GPR119: variants seen among roughly 807,000 people sequenced by gnomAD.
GPR119 encodes G protein-coupled receptor 119, also known as glucose-dependent insulinotropic receptor.
GPR119 carries 7 observed loss-of-function variants against 13.3 expected under a neutral mutation model. The ratio of observed to expected loss-of-function variants is 0.53; its 90% confidence interval spans 0.30 to 0.99. The LOEUF (loss-of-function observed/expected upper bound fraction) is 0.99. GPR119 is among the 50% of genes least tolerant of loss of function. The pLI is 0.06. For missense variants in GPR119, 197 were observed against 263.0 expected (o/e 0.75, Z 1.74); for synonymous variants, 107 against 112.5 (o/e 0.95, Z 0.31).
chrX:130,383,096 C>T (rs2034365511), intron 1 of GPR119, among the ~76,000 whole-genome samples: 1 of 111,439 alleles, frequency 9.0e-6, no homozygotes, highest in African/African-American at 3.3e-5. Context: ...GTCTTGAGAG[C>T]CAAACTCTCT....
At chrX:130,384,351 G>T in intron 1 of GPR119, 85 bp downstream of exon 1, 1 of 904,042 alleles carries the variant, frequency 1.1e-6, no homozygotes, top group Non-Finnish European at 1.6e-6. Flanking sequence ...TGAAGCAAGT[G>T]CTCTCATCCC....
Position 130,382,122 on chromosome X carries a change from T to C in GPR119, c.*434A>G, listed in dbSNP as rs1478822481. Among the ~76,000 whole-genome samples the C allele has an allele frequency of 1.8e-5, 2 of 110,303 alleles. No individual in the cohort carries two copies. The highest frequency in any genetic ancestry group is 5.6e-4 in the East Asian group (2 of 3,585). ...CGTGGGGTACAATGTGATGTTGATA[T>C]ATGTTTAAAATGTGGAATGATTAAA... On this transcript the variant is annotated 3_prime_UTR_variant, in exon 2 of 2. Coordinates refer to ENST00000682440, the MANE Select transcript of GPR119 (RefSeq NM_178471.3).
In GPR119 at chrX:130,385,177, C is replaced by T. The variant is rs1329070483; in HGVS notation, c.271G>A (p.Ala91Thr). 8.3e-7 allele frequency: 1 copy of T among 1,210,825 alleles called. No individual in the cohort carries two copies. Among genetic ancestry groups the T allele is most frequent in the Non-Finnish European group, 1.1e-6 (1 of 895,418 alleles). ...RMAFVTSSAA[A>T]SVLTVMLITF... ...ATCAGCATGACCGTGAGGACAGAGG[C>T]AGCTGCGGAGGAAGTGACAAATGCC... is the stretch of plus-strand genomic sequence containing the variant. The change falls in exon 1 of 2, where the codon GCC becomes ACC. Residue 91 changes from alanine to threonine, a missense_variant. Coordinates refer to ENST00000682440, the MANE Select transcript of GPR119 (RefSeq NM_178471.3).
Position 130,385,220 on chromosome X carries a change from G to A in GPR119, c.228C>T (p.Thr76=). The A allele has an allele frequency of 8.3e-7, 1 of 1,212,089 alleles. No homozygotes were observed. Among genetic ancestry groups the A allele is most frequent in the South Asian group, 1.8e-5 (1 of 57,012 alleles). The change falls in exon 1 of 2, where the codon ACC becomes ACT. Residue 76 remains threonine, a synonymous_variant. Coordinates refer to ENST00000682440, the MANE Select transcript of GPR119 (RefSeq NM_178471.3). ...CAAATGCCATCCGCAGGCTGCACAGGGTCTTCTGTGTGGGCCGAGAAGGGC... is the reference window on the plus strand; with the variant it reads ...CAAATGCCATCCGCAGGCTGCACAGAGTCTTCTGTGTGGGCCGAGAAGGGC... ...LSSPSRPTQK[T]LCSLRMAFVT...
rs560987767 is a variant in GPR119 at position 130,382,535 on chromosome X, A to G, written c.*21T>C. ...CAAGCATGTTTCTCCTCTGGGCCAG[A>G]CTGGTAAGCAAAGCGACTGCAAAAA... On this transcript the variant is annotated 3_prime_UTR_variant, in exon 2 of 2. Coordinates refer to ENST00000682440, the MANE Select transcript of GPR119 (RefSeq NM_178471.3). 5.4e-5 allele frequency among the ~76,000 whole-genome samples: 6 copies of G among 111,693 alleles called. No homozygotes were observed. The highest frequency in any genetic ancestry group is 2.8e-4 in the East Asian group (1 of 3,562).
rs201469322 is a variant in GPR119 at position 130,385,340 on chromosome X, A to G, written c.108T>C (p.Asn36=). Residue 36 remains asparagine, a synonymous_variant, in exon 1 of 2, where the codon AAT becomes AAC. Coordinates refer to ENST00000682440, the MANE Select transcript of GPR119 (RefSeq NM_178471.3). ...AGGTGAAGCAGAGACTGACACCATC[A>G]TTCTTGTGGATCAACAGCAGCACAG... The part of the protein sequence containing the change: ...AVAVLLLIHK[N]DGVSLCFTLN... 1 of 1,211,892 alleles carries G rather than the reference A, an allele frequency of 8.3e-7. No homozygotes were observed. The highest frequency in any genetic ancestry group is 1.1e-6 in the Non-Finnish European group (1 of 895,397).
In GPR119 at chrX:130,380,607, T is replaced by C. The variant is rs2034354305; in HGVS notation, c.*1949A>G. The stretch of plus-strand genomic sequence containing the variant: ...GCTTCCTCCTGTAATCACAGCACAT[T>C]GAAAGGCTGAGGTGGGAGCATCACT... On this transcript the variant is annotated 3_prime_UTR_variant, in exon 2 of 2. Coordinates refer to ENST00000682440, the MANE Select transcript of GPR119 (RefSeq NM_178471.3). 8.9e-6 allele frequency among the ~76,000 whole-genome samples: 1 copy of C among 112,675 alleles called. No individual in the cohort carries two copies. Among genetic ancestry groups the C allele is most frequent in the African/African-American group, 3.2e-5 (1 of 31,004 alleles).
In GPR119 at chrX:130,381,853, G is replaced by A. The variant is rs771042640; in HGVS notation, c.*703C>T. ...CATGTAAAGTAGGCATTATTACCCC[G>A]GTTTGATGAATGCGAGATCTAGTTT... is the stretch of plus-strand genomic sequence containing the variant. On this transcript the variant is annotated 3_prime_UTR_variant, in exon 2 of 2. Coordinates refer to ENST00000682440, the MANE Select transcript of GPR119 (RefSeq NM_178471.3). Among the ~76,000 whole-genome samples, 44 of 111,045 alleles carry A rather than the reference G, an allele frequency of 4.0e-4. No individual in the cohort carries two copies. Among genetic ancestry groups the A allele is most frequent in the South Asian group, 1.9e-3 (5 of 2,644 alleles).
In GPR119 at chrX:130,384,744, G is replaced by A. The variant is rs907825039; in HGVS notation, c.704C>T (p.Ala235Val). Residue 235 changes from alanine to valine, a missense_variant, in exon 1 of 2, where the codon GCT becomes GTT. By Grantham distance (64) the Ala-to-Val change is moderately conservative (BLOSUM62 0). Coordinates refer to ENST00000682440, the MANE Select transcript of GPR119 (RefSeq NM_178471.3). ...GATAAGGAAGGGGGTCCAGGATAGAGCAAAGCTCCCAATGAGAACAGACAC... is the reference window on the plus strand; with the variant it reads ...GATAAGGAAGGGGGTCCAGGATAGAACAAAGCTCCCAATGAGAACAGACAC... ...RTVSVLIGSFALSWTPFLITG... is the reference protein window; with the variant it reads ...RTVSVLIGSFVLSWTPFLITG... 8.3e-7 allele frequency: 1 copy of A among 1,211,873 alleles called. No individual in the cohort carries two copies.
chrX:130,385,376 T>C lies in GPR119; in HGVS notation c.72A>G (p.Leu24=), dbSNP rs1282724314. ...LASLIIATNT[L]VAVAVLLLIH... ...TCAACAGCAGCACAGCCACAGCCAC[T>C]AGTGTGTTAGTAGCAATGATGAGGG... The change falls in exon 1 of 2, where the codon CTA becomes CTG. Residue 24 remains leucine, a synonymous_variant. Transcript: ENST00000682440. 3 of 1,208,165 alleles carry C rather than the reference T, an allele frequency of 2.5e-6. No homozygotes were observed. The highest frequency in any genetic ancestry group is 3.5e-5 in the African/African-American group (2 of 57,178).
chrX:130,385,339 C>A lies in GPR119; in HGVS notation c.109G>T (p.Asp37Tyr). 1 of 1,212,002 alleles carries A rather than the reference C, an allele frequency of 8.3e-7. No homozygotes were observed. Residue 37 changes from aspartate to tyrosine, a missense_variant, in exon 1 of 2, where the codon GAT becomes TAT. Transcript: ENST00000682440. ...VAVLLLIHKN[D>Y]GVSLCFTLNL... ...AAGGTGAAGCAGAGACTGACACCAT[C>A]ATTCTTGTGGATCAACAGCAGCACA...
rs193119551 is a variant in GPR119, at chrX:130,379,929, G to A, written c.*2627C>T. On this transcript the variant is annotated 3_prime_UTR_variant, in exon 2 of 2. Coordinates refer to ENST00000682440, the MANE Select transcript of GPR119 (RefSeq NM_178471.3). ...GCAATTTTAGCACATAGCTCTCAATGTTTGTGAGATAGGTAAGTGGACAGA... is the reference window on the plus strand; with the variant it reads ...GCAATTTTAGCACATAGCTCTCAATATTTGTGAGATAGGTAAGTGGACAGA... Among the ~76,000 whole-genome samples the A allele has an allele frequency of 8.5e-4, 96 of 112,856 alleles. 2 individuals carry two copies. Among genetic ancestry groups the A allele is most frequent in the African/African-American group, 2.5e-3 (79 of 31,130 alleles).
rs780385222 is a variant in GPR119 at position 130,384,877 on chromosome X, T to C, written c.571A>G (p.Ile191Val). ...ATCTGCTGGCTGTGCATGGAGGCAA[T>C]CTTGAGCATGTCGCAGTAGAAGAAG... Reference protein sequence around the residue: ...FVFFYCDMLKIASMHSQQIRK... With the variant: ...FVFFYCDMLKVASMHSQQIRK... Residue 191 changes from isoleucine to valine, a missense_variant, in exon 1 of 2, where the codon ATT (isoleucine) becomes GTT (valine). Transcript: ENST00000682440. The C allele has an allele frequency of 2.5e-6, 3 of 1,211,439 alleles. No homozygotes were observed. The highest frequency in any genetic ancestry group is 3.5e-5 in the South Asian group (2 of 56,966).
At position 130,385,452 on chromosome X, in the gene GPR119, C is replaced by T. The variant is rs201965318; in HGVS notation, c.-5G>A. On this transcript the variant is annotated 5_prime_UTR_variant, in exon 1 of 2. Coordinates refer to ENST00000682440, the MANE Select transcript of GPR119 (RefSeq NM_178471.3). ...AAATGAGAAAGATGATTCCATGTCTCGAAGTGGCAGGACTTCACTTACCAG... is the reference window on the plus strand; with the variant it reads ...AAATGAGAAAGATGATTCCATGTCTTGAAGTGGCAGGACTTCACTTACCAG... The T allele has an allele frequency of 5.7e-5, 69 of 1,202,225 alleles. No homozygotes were observed. Among genetic ancestry groups the T allele is most frequent in the East Asian group, 1.8e-4 (6 of 33,691 alleles).
rs148939448 is a variant in GPR119 at position 130,385,293 on chromosome X, G to A, written c.155C>T (p.Thr52Ile). ...CFTLNLAVAD[T>I]LIGVAISGLL... The stretch of plus-strand genomic sequence containing the variant: ...GCCAGAGATGGCCACACCAATCAAG[G>A]TGTCAGCCACAGCCAGATTCAAGGT... The change falls in exon 1 of 2, where the codon ACC becomes ATC. Residue 52 changes from threonine to isoleucine, a missense_variant. By Grantham distance (89) the Thr-to-Ile change is moderately conservative. Coordinates refer to ENST00000682440, the MANE Select transcript of GPR119 (RefSeq NM_178471.3). 4 of 1,210,543 alleles carry A rather than the reference G, an allele frequency of 3.3e-6. No homozygotes were observed. In the African/African-American group the frequency reaches 7.0e-5, roughly 21 times the overall value.
In GPR119 at chrX:130,385,335, C is replaced by T. The variant is rs775435632; in HGVS notation, c.113G>A (p.Gly38Asp). 8.3e-7 allele frequency: 1 copy of T among 1,211,915 alleles called. No individual in the cohort carries two copies. The highest frequency in any genetic ancestry group is 2.2e-5 in the Admixed American group (1 of 46,082). ...AVLLLIHKND[G>D]VSLCFTLNLA... ...ATTCAAGGTGAAGCAGAGACTGACA[C>T]CATCATTCTTGTGGATCAACAGCAG... The change falls in exon 1 of 2, where the codon GGT becomes GAT. Residue 38 changes from glycine (G) to aspartate (D), a missense_variant. Transcript: ENST00000682440.
intron 1 of GPR119, among the ~76,000 whole-genome samples, chrX:130,383,696 A>G (rs1322092533): frequency 8.9e-6 from 1 of 112,784 alleles, no homozygotes; most frequent in African/African-American, 3.2e-5. Context: ...CATTCACCAT[A>G]TAAGATCTCT....
rs1455835358 is a variant in GPR119, at chrX:130,381,311, C to T, written c.*1245G>A. On this transcript the variant is annotated 3_prime_UTR_variant, in exon 2 of 2. Transcript: ENST00000682440. ...GATTACAGGCGCCTGCCATCGTGCC[C>T]AGCTAATTTTTGTATTTTTAGTAGA... Among the ~76,000 whole-genome samples the T allele has an allele frequency of 9.0e-6, 1 of 110,973 alleles. No homozygotes were observed. Among genetic ancestry groups the T allele is most frequent in the African/African-American group, 3.3e-5 (1 of 30,469 alleles).
At position 130,384,810 on chromosome X, in the gene GPR119, C is replaced by A; in HGVS notation, c.638G>T (p.Arg213Leu). The A allele has an allele frequency of 8.3e-7, 1 of 1,211,730 alleles. No individual in the cohort carries two copies. Among genetic ancestry groups the A allele is most frequent in the Non-Finnish European group, 1.1e-6 (1 of 895,491 alleles). ...EHAGAMAGGYRSPRTPSDFKA... is the reference protein window; with the variant it reads ...EHAGAMAGGYLSPRTPSDFKA... ...GAAGTCGCTGGGAGTCCGTGGGGAT[C>A]GATAACCTCCAGCCATGGCTCCTGC... Residue 213 changes from arginine to leucine, a missense_variant, in exon 1 of 2, where the codon CGA (arginine) becomes CTA (leucine). Physicochemically the swap from Arg to Leu is moderately radical, Grantham distance 102. Coordinates refer to ENST00000682440, the MANE Select transcript of GPR119 (RefSeq NM_178471.3).
Sources: gnomAD v4.1 joint callset for allele counts (sites outside exome capture counted in the v4.1 genomes callset) on GRCh38, gnomAD v4.1.1 for gene constraint, MANE v1.5 for transcripts, NCBI Gene and HGNC (gene_info 2026-07-23, HGNC 2026-07-21) for gene names.